MFSD1: variants seen among roughly 807,000 people sequenced by gnomAD.
MFSD1 encodes the protein major facilitator superfamily domain containing 1, also known as lysosomal dipeptide transporter MFSD1.
A neutral mutation model predicts 67.1 loss-of-function variants in MFSD1; 59 were observed. That is an observed-to-expected ratio of 0.88 (90% CI 0.71 to 1.09). MFSD1 has a LOEUF of 1.09. MFSD1 is among the 50% of genes least tolerant of loss of function. MFSD1 has a pLI of 0.00. For missense variants in MFSD1, 552 were observed against 566.1 expected (o/e 0.97, Z 0.25); for synonymous variants, 213 against 200.3 (o/e 1.06, Z -0.54).
rs1417319939 is a variant in MFSD1 at position 158,829,072 on chromosome 3, G to C, written c.*90G>C. 7.9e-7 allele frequency: 1 copy of C among 1,267,226 alleles called. No homozygotes were observed. Among genetic ancestry groups the C allele is most frequent in the African/African-American group, 1.5e-5 (1 of 65,870 alleles). 78.5% of individuals were successfully genotyped at this position (1,267,226 alleles called of 1,614,324 possible). A position where few individuals can be genotyped will look rare whatever the true frequency, so the allele number is the denominator to read the frequency against. On this transcript the variant is annotated 3_prime_UTR_variant, in exon 16 of 16. Coordinates refer to ENST00000415822, the MANE Select transcript of MFSD1 (RefSeq NM_022736.4). ...TTAAAAATTTAGAGTTTAGTCATTA[G>C]AAAAAATAATGGACTGGAAAGTTAT... is the stretch of plus-strand genomic sequence containing the variant.
chr3:158,828,885 C>A, intron 15 of MFSD1, 94 bp from the exon 16 acceptor site: 2 of 1,284,554 alleles, frequency 1.6e-6, no homozygotes, highest in Non-Finnish European at 2.2e-6. Context: ...TTTGCTATTA[C>A]ATGTCTTGTA....
At chr3:158,813,910 A>G (rs1730169586) in intron 6 of MFSD1, 55 bp from the exon 7 acceptor site, 1 of 1,293,520 alleles carries the variant, frequency 7.7e-7, no homozygotes, top group Non-Finnish European at 1.1e-6. Context: ...TTTTGAACAA[A>G]GCAGAGATAT....
At chr3:158,805,934 G>A (rs1047306525) in intron 3 of MFSD1, among the ~76,000 whole-genome samples, 6 of 152,058 alleles carry the variant, frequency 3.9e-5, no homozygotes, top group African/African-American at 9.7e-5. Context: ...CTCCAGCCCC[G>A]GTGAGATTTT....
Position 158,806,800 on chromosome 3 carries a change from C to A in MFSD1, c.330-240C>A, listed in dbSNP as rs540205749. Among the ~76,000 whole-genome samples, 149 of 152,180 alleles carry A rather than the reference C, an allele frequency of 9.8e-4. 1 individual carries two copies. The Middle Eastern group carries it at 0.037, about 38-fold the overall frequency. ...CTAATATATGCCATTGCTAAAGCCT[C>A]CGGAATCCCCTTAGAAGTCTAGACT... On this transcript the variant is annotated intron_variant, in intron 3 of 15. Coordinates refer to ENST00000415822, the MANE Select transcript of MFSD1 (RefSeq NM_022736.4).
intron 1 of MFSD1, 148 bp downstream of exon 1, chr3:158,802,463 A>G (rs1443615759): frequency 2.1e-6 from 2 of 942,510 alleles, no homozygotes; most frequent in Non-Finnish European, 3.3e-6. Flanking sequence ...CCCCTTTGCG[A>G]TCGATTCCAG....
chr3:158,823,352 T>C, intron 11 of MFSD1, 76 bp from the exon 12 acceptor site: 1 of 990,250 alleles, frequency 1.0e-6, no homozygotes, highest in Non-Finnish European at 1.6e-6. Context: ...TCTGTCACTT[T>C]TGCTAATCTG....
chr3:158,828,219 CATA>C, intron 15 of MFSD1, among the ~76,000 whole-genome samples: 1 of 152,234 alleles, frequency 6.6e-6, no homozygotes, highest in Admixed American at 6.5e-5. Context: ...TGTACTGAAA[CATA>C]ATAGTGATTC....
Position 158,820,267 on chromosome 3 carries a change from T to A in MFSD1, c.804T>A (p.Leu268=), listed in dbSNP as rs4680469. The A allele has an allele frequency of 1.2e-6, 2 of 1,611,354 alleles. No homozygotes were observed. Among genetic ancestry groups the A allele is most frequent in the South Asian group, 2.2e-5 (2 of 90,988 alleles). The part of the protein sequence containing the change: ...DVKDFSLPLW[L]IFIICVCYYV... ...AGGACTTCTCCTTACCCCTGTGGCTTATATTTATCATCTGTGTCTGCTATT... is the reference window on the plus strand; with the variant it reads ...AGGACTTCTCCTTACCCCTGTGGCTAATATTTATCATCTGTGTCTGCTATT... The change falls in exon 9 of 16, where the codon CTT becomes CTA. Residue 268 remains leucine (L), a synonymous_variant. Transcript: ENST00000415822.
chr3:158,820,381 A>G lies in MFSD1; in HGVS notation c.863+55A>G. 3.3e-6 allele frequency: 4 copies of G among 1,199,214 alleles called. No homozygotes were observed. In the South Asian group the frequency reaches 3.7e-5, roughly 11 times the overall value. The allele number at this position is 1,199,214 out of a possible 1,614,324, so 74.3% of individuals were successfully genotyped here. On this transcript the variant is annotated intron_variant, in intron 9 of 15. Coordinates refer to ENST00000415822, the MANE Select transcript of MFSD1 (RefSeq NM_022736.4). ...TTGTCTAAATTATCATGAGAGTTCAATCACATAAATGTAGTTTTTAAAGCA... is the reference window on the plus strand; with the variant it reads ...TTGTCTAAATTATCATGAGAGTTCAGTCACATAAATGTAGTTTTTAAAGCA...
At chr3:158,814,666 A>C (rs1730224190) in intron 7 of MFSD1, among the ~76,000 whole-genome samples, 1 of 152,214 alleles carries the variant, frequency 6.6e-6, no homozygotes, top group African/African-American at 2.4e-5. Context: ...ACATACAAAG[A>C]GATCATGTAA....
chr3:158,821,773 G>T, intron 10 of MFSD1, 120 bp downstream of exon 10: 1 of 988,936 alleles, frequency 1.0e-6, no homozygotes, highest in South Asian at 1.5e-5. Flanking sequence ...GCGAAACTGG[G>T]ACTACATTGG....
chr3:158,829,039 T>G lies in MFSD1; in HGVS notation c.*57T>G. 6.5e-7 allele frequency: 1 copy of G among 1,536,622 alleles called. No homozygotes were observed. The highest frequency in any genetic ancestry group is 1.4e-5 in the African/African-American group (1 of 71,544). On this transcript the variant is annotated 3_prime_UTR_variant, in exon 16 of 16. Transcript: ENST00000415822. ...CTTAACACATCGTTGGTTTGAAAAC[T>G]TCCATTTTTAAAAATTTAGAGTTTA...
At chr3:158,805,324 T>C in intron 2 of MFSD1, 38 bp from the exon 3 acceptor site, 1 of 1,492,696 alleles carries the variant, frequency 6.7e-7, no homozygotes, top group Non-Finnish European at 9.4e-7. Context: ...TAAACTTAAC[T>C]GTTTGGAAAA....
intron 6 of MFSD1, among the ~76,000 whole-genome samples, chr3:158,813,077 G>T (rs1328592164): frequency 1.4e-5 from 2 of 147,132 alleles, no homozygotes; most frequent in Admixed American, 6.8e-5. Context: ...AAAAGTACTT[G>T]TCAATATTTA....
chr3:158,807,140 A>G (rs895488519), intron 4 of MFSD1, 58 bp downstream of exon 4: 2 of 1,462,936 alleles, frequency 1.4e-6, no homozygotes, highest in Non-Finnish European at 1.9e-6. Flanking sequence ...TTCTTATCTA[A>G]TTAATTCCAT....
chr3:158,810,202 TTTTATAG>T (rs1361750683), intron 6 of MFSD1, among the ~76,000 whole-genome samples: 1 of 152,164 alleles, frequency 6.6e-6, no homozygotes, highest in African/African-American at 2.4e-5. Flanking sequence ...TTTGTGTATT[TTTTATAG>T]AGACAACACT....
intron 6 of MFSD1, among the ~76,000 whole-genome samples, chr3:158,813,113 T>G (rs1273170609): frequency 6.6e-6 from 1 of 152,078 alleles, no homozygotes; most frequent in East Asian, 1.9e-4. Flanking sequence ...TACTTTTTTT[T>G]TTTTAACCAA....
At chr3:158,822,979 C>T in intron 11 of MFSD1, 1 of 158,300 alleles carries the variant, frequency 6.3e-6, no homozygotes, top group Non-Finnish European at 1.4e-5. Flanking sequence ...TGAGGTTTAC[C>T]AAGCATTGGT....
At chr3:158,819,857 C>T (rs1428620272) in intron 8 of MFSD1, 110 bp downstream of exon 8, 3 of 546,668 alleles carry the variant, frequency 5.5e-6, no homozygotes, top group Non-Finnish European at 6.4e-6. Flanking sequence ...GAGCTTAAGA[C>T]ATGATTTTTA....
Sources: allele counts gnomAD v4.1 joint callset (sites outside exome capture counted in the v4.1 genomes callset), GRCh38; gene constraint gnomAD v4.1.1; transcripts MANE v1.5; gene names NCBI Gene and HGNC (gene_info 2026-07-23, HGNC 2026-07-21).